Variants in RAF1 observed in about 807,000 individuals in gnomAD.
RAF1 encodes Raf-1 proto-oncogene, serine/threonine kinase, also known as RAF proto-oncogene serine/threonine-protein kinase.
Under a neutral mutation model 81.1 loss-of-function variants are expected in RAF1, and 27 were observed. The observed-to-expected ratio is 0.33, with a 90% CI of 0.25 to 0.46. The LOEUF (loss-of-function observed/expected upper bound fraction) is 0.46, where lower values mean the gene tolerates loss of function less well. Among genes scored for constraint, RAF1 ranks in the 20% least tolerant of loss-of-function variants. RAF1 has a pLI of 1.00. For missense variants in RAF1, 598 were observed against 826.0 expected (o/e 0.72, Z 3.38); for synonymous variants, 298 against 294.0 (o/e 1.01, Z -0.14).
chr3:12,591,906 C>G (rs1480749211), intron 11 of RAF1, 114 bp from the exon 11 acceptor site: 1 of 836,812 alleles, frequency 1.2e-6, no homozygotes, highest in Non-Finnish European at 2.0e-6. Context: ...CATACCTACA[C>G]AGATACGGCA....
chr3:12,601,582 G>A (rs1183159944), intron 8 of RAF1, among the ~76,000 whole-genome samples: 1 of 152,008 alleles, frequency 6.6e-6, no homozygotes, highest in East Asian at 1.9e-4. Context: ...TATTCTCTTT[G>A]TGTAACTACA....
chr3:12,613,946 G>A (rs1392500597), intron 2 of RAF1, among the ~76,000 whole-genome samples: 1 of 152,186 alleles, frequency 6.6e-6, no homozygotes, highest in African/African-American at 2.4e-5. Context: ...ATATTCTCCA[G>A]GAGGATCAAT....
chr3:12,658,857 T>C (rs905982077), intron 1 of RAF1, among the ~76,000 whole-genome samples: 3 of 152,180 alleles, frequency 2.0e-5, no homozygotes, highest in African/African-American at 2.4e-5. Context: ...TGTGAGTAAT[T>C]TGCCAAACTT....
chr3:12,613,869 G>C (rs1030117309), intron 2 of RAF1, among the ~76,000 whole-genome samples: 27 of 152,180 alleles, frequency 1.8e-4, no homozygotes, highest in Admixed American at 1.7e-3. Flanking sequence ...TCCACATTGA[G>C]AGTACAGTAT....
chr3:12,587,366 A>G, intron 14 of RAF1: 1 of 583,622 alleles, frequency 1.7e-6, no homozygotes. Flanking sequence ...AAACTCAGAA[A>G]GGAACCTAAC....
chr3:12,613,929 G>C (rs913792852), intron 2 of RAF1, among the ~76,000 whole-genome samples: 3 of 152,164 alleles, frequency 2.0e-5, no homozygotes, highest in Non-Finnish European at 2.9e-5. Context: ...ATGGGAGTGG[G>C]GAAGGAATAT....
intron 1 of RAF1, among the ~76,000 whole-genome samples, chr3:12,620,913 ATTCAGAGTTCAGAGTTCAG>A (rs2059538975): frequency 6.6e-6 from 1 of 151,488 alleles, no homozygotes; most frequent in Non-Finnish European, 1.5e-5. Context: ...AGTTCAGTTC[ATTCAGAGTTCAGAGTTCAG>A]TTCATTCAGA....
intron 1 of RAF1, among the ~76,000 whole-genome samples, chr3:12,635,801 A>C (rs568708001): frequency 4.7e-4 from 71 of 150,822 alleles, no homozygotes; most frequent in African/African-American, 1.6e-3. Context: ...GTGAAACCCC[A>C]TCTCTACTAA....
In RAF1 at chr3:12,584,248, G is replaced by T. The variant is rs1051208; in HGVS notation, c.*266C>A. ...TGTACTACCATCAACATCCACTTGC[G>T]CATCTACAGAAGGCTGGGCCTTGAG... On this transcript the variant is annotated 3_prime_UTR_variant, in exon 18 of 18. Transcript: ENST00000442415. The T allele has an allele frequency of 3.9e-6, 2 of 514,492 alleles. No individual in the cohort carries two copies. Among genetic ancestry groups the T allele is most frequent in the East Asian group, 3.4e-5 (1 of 29,794 alleles). The allele number at this position is 514,492 out of a possible 1,614,324, so 31.9% of individuals were successfully genotyped here.
chr3:12,594,943 C>A (rs187840034), intron 11 of RAF1, among the ~76,000 whole-genome samples: 1 of 152,314 alleles, frequency 6.6e-6, no homozygotes, highest in Non-Finnish European at 1.5e-5. Context: ...TTCTATACTG[C>A]AGCATTCCCC....
chr3:12,602,984 A>C (rs577170125), intron 8 of RAF1, among the ~76,000 whole-genome samples: 3 of 152,348 alleles, frequency 2.0e-5, no homozygotes, highest in East Asian at 3.9e-4. Flanking sequence ...CCAACTAAGT[A>C]AGTCTAACAT....
chr3:12,649,593 A>T lies in RAF1; in HGVS notation c.-27+14220T>A, dbSNP rs1463098918. ...CAGCATGGGGGCCAGAGACTGTCACACACACACACACACACACACACACAC... is the reference window on the plus strand; with the variant it reads ...CAGCATGGGGGCCAGAGACTGTCACTCACACACACACACACACACACACAC... On this transcript the variant is annotated intron_variant, in intron 1 of 17. Coordinates refer to ENST00000442415, the MANE Select transcript of RAF1 (RefSeq NM_001354689.3). Among the ~76,000 whole-genome samples, 90 of 7,532 alleles carry T rather than the reference A, an allele frequency of 0.012. 1 individual carries two copies. The East Asian group carries it at 0.2, about 16-fold the overall frequency. The allele number at this position is 7,532 out of a possible 152,430, so 4.9% of individuals were successfully genotyped here.
chr3:12,641,592 AG>A (rs1196492608), intron 1 of RAF1, among the ~76,000 whole-genome samples: 2 of 151,172 alleles, frequency 1.3e-5, no homozygotes, highest in African/African-American at 4.9e-5. Context: ...CCCAGGTTCA[AG>A]GGATCCTCCC....
At position 12,583,682 on chromosome 3, in the gene RAF1, AAAC is replaced by A. The variant is rs1369288019; in HGVS notation, c.*829_*831del. ...AACTGTATTTTGTCAGGTGCAATAA[AAAC>A]AAAATTAAAACCCAAATCATCAAGA... On this transcript the variant is annotated 3_prime_UTR_variant, in exon 18 of 18. Coordinates refer to ENST00000442415, the MANE Select transcript of RAF1 (RefSeq NM_001354689.3). 2 of 233,316 alleles carry A rather than the reference AAAC, an allele frequency of 8.6e-6. No individual in the cohort carries two copies. The highest frequency in any genetic ancestry group is 1.7e-5 in the Non-Finnish European group (2 of 118,038). 14.5% of individuals were successfully genotyped at this position (233,316 alleles called of 1,614,324 possible). A position where few individuals can be genotyped will look rare whatever the true frequency, so the allele number is the denominator to read the frequency against.
At chr3:12,588,469 T>C (rs2058400572) in intron 13 of RAF1, 2 of 152,052 alleles carry the variant, frequency 1.3e-5, no homozygotes, top group African/African-American at 4.8e-5. Flanking sequence ...GTATAACGTG[T>C]TGCACTTAGG....
chr3:12,612,217 C>T lies in RAF1; in HGVS notation c.208-155G>A, dbSNP rs370670212. Among the ~76,000 whole-genome samples, 10 of 152,300 alleles carry T rather than the reference C, an allele frequency of 6.6e-5. No homozygotes were observed. The East Asian group carries it at 1.3e-3, about 21-fold the overall frequency. ...CTGAATGTCCAGCAATAGGAAAGTA[C>T]TTGAATGGAGTGTGAGACATCTGTA... On this transcript the variant is annotated intron_variant, in intron 2 of 17. Transcript: ENST00000442415.
At chr3:12,605,250 A>ATGTGTGTGTGTGTGTG (rs139616156) in intron 6 of RAF1, among the ~76,000 whole-genome samples, 9,949 of 144,436 alleles carry the variant, frequency 0.069, 410 homozygotes, top group Non-Finnish European at 0.095. Context: ...ATTACACATT[A>ATGTGTGTGTGTGTGTG]TGTGTGTGTG....
chr3:12,615,189 T>C (rs2059336557), intron 2 of RAF1, among the ~76,000 whole-genome samples: 1 of 152,182 alleles, frequency 6.6e-6, no homozygotes, highest in Admixed American at 6.5e-5. Context: ...CTGACTCTAA[T>C]AGTAGTGGTC....
At chr3:12,606,366 C>T (rs965848241) in intron 5 of RAF1, 67 bp from the exon 6 acceptor site, 3 of 1,213,552 alleles carry the variant, frequency 2.5e-6, no homozygotes, top group Non-Finnish European at 3.6e-6. Flanking sequence ...ATCAGCATGC[C>T]TTGCTTTTGC....
Sources: gnomAD v4.1 joint callset for allele counts (sites outside exome capture counted in the v4.1 genomes callset) on GRCh38, gnomAD v4.1.1 for gene constraint, MANE v1.5 for transcripts, NCBI Gene and HGNC (gene_info 2026-07-23, HGNC 2026-07-21) for gene names.